TMEM132D: variants seen among roughly 807,000 people sequenced by gnomAD.
The protein encoded by TMEM132D is mature OL transmembrane protein.
In TMEM132D, 21 loss-of-function variants were observed where a neutral mutation model predicts 62.3. The ratio of observed to expected loss-of-function variants is 0.34; its 90% CI spans 0.24 to 0.49. The LOEUF (loss-of-function observed/expected upper bound fraction) is 0.49. Ranked by LOEUF, TMEM132D falls within the 20% of genes least tolerant of loss-of-function variation. The probability of loss-of-function intolerance (pLI) is 0.99; values close to 1 mark genes in which losing one functional copy is unlikely to be tolerated. For synonymous variants in TMEM132D, 621 were observed against 575.6 expected (o/e 1.08, Z -1.13); for missense variants, 1,346 against 1,402.8 (o/e 0.96, Z 0.65).
At chr12:129,299,105 C>A (rs1360674911) in intron 4 of TMEM132D, among the ~76,000 whole-genome samples, 1 of 152,092 alleles carries the variant, frequency 6.6e-6, no homozygotes, top group Non-Finnish European at 1.5e-5. Context: ...TCATCAGAGC[C>A]AAAGTGGTTC....
intron 4 of TMEM132D, among the ~76,000 whole-genome samples, chr12:129,310,882 G>T (rs1384277263): frequency 6.6e-6 from 1 of 152,160 alleles, no homozygotes; most frequent in Non-Finnish European, 1.5e-5. Flanking sequence ...GGAATTTGTA[G>T]TTGTGCTTAT....
chr12:129,656,614 C>A (rs867338468), intron 2 of TMEM132D, among the ~76,000 whole-genome samples: 17 of 152,286 alleles, frequency 1.1e-4, no homozygotes, highest in Middle Eastern at 6.8e-3. Flanking sequence ...CATTTGGATG[C>A]AGAGTATGTG....
intron 3 of TMEM132D, among the ~76,000 whole-genome samples, chr12:129,454,159 G>A (rs943300421): frequency 2.6e-5 from 4 of 152,130 alleles, no homozygotes; most frequent in African/African-American, 4.8e-5. Context: ...GTTTCCTACC[G>A]AGTGCTAAGC....
At chr12:129,258,696 C>T (rs937620517) in intron 4 of TMEM132D, among the ~76,000 whole-genome samples, 4 of 152,160 alleles carry the variant, frequency 2.6e-5, no homozygotes, top group African/African-American at 7.2e-5. Flanking sequence ...TTCATTTTCT[C>T]ATGTAATATC....
At chr12:129,745,596 C>T (rs1002439715) in intron 1 of TMEM132D, among the ~76,000 whole-genome samples, 4 of 152,264 alleles carry the variant, frequency 2.6e-5, no homozygotes, top group East Asian at 1.9e-4. Flanking sequence ...GAACTCATAA[C>T]GGTATAACCC....
intron 1 of TMEM132D, among the ~76,000 whole-genome samples, chr12:129,747,219 G>T (rs1555229165): frequency 0.013 from 136 of 10,270 alleles, no homozygotes; most frequent in South Asian, 0.034. Flanking sequence ...CCTCCTTCCA[G>T]CCACCCTGTC....
chr12:129,724,167 C>T (rs1193499017), intron 1 of TMEM132D, among the ~76,000 whole-genome samples: 2 of 152,180 alleles, frequency 1.3e-5, no homozygotes, highest in Non-Finnish European at 2.9e-5. Flanking sequence ...GCCTGGGTCC[C>T]TGAATGTTTC....
intron 3 of TMEM132D, among the ~76,000 whole-genome samples, chr12:129,432,179 A>T (rs547854185): frequency 5.0e-4 from 76 of 150,842 alleles, no homozygotes; most frequent in Middle Eastern, 6.8e-3. Context: ...GGATGGATGG[A>T]TGGATGGATG....
intron 1 of TMEM132D, among the ~76,000 whole-genome samples, chr12:129,820,387 T>A (rs2137324493): frequency 6.6e-6 from 1 of 152,234 alleles, no homozygotes; most frequent in Non-Finnish European, 1.5e-5. Flanking sequence ...AGAATCTACG[T>A]GGTTATTCGA....
At chr12:129,469,508 G>T (rs1028765995) in intron 3 of TMEM132D, among the ~76,000 whole-genome samples, 1 of 152,168 alleles carries the variant, frequency 6.6e-6, no homozygotes, top group Non-Finnish European at 1.5e-5. Flanking sequence ...TCTCCTATAG[G>T]GTAACTGAGA....
chr12:129,446,948 C>A (rs140335125), intron 3 of TMEM132D, among the ~76,000 whole-genome samples: 10 of 152,302 alleles, frequency 6.6e-5, no homozygotes, highest in African/African-American at 9.6e-5. Context: ...AAGCACACAG[C>A]AAAGTCCCCA....
intron 1 of TMEM132D, among the ~76,000 whole-genome samples, chr12:129,721,191 A>G (rs1868814392): frequency 6.6e-6 from 1 of 152,170 alleles, no homozygotes; most frequent in African/African-American, 2.4e-5. Flanking sequence ...GTGTGTTTTC[A>G]TCCTACTTGT....
intron 1 of TMEM132D, among the ~76,000 whole-genome samples, chr12:129,822,411 A>C (rs1872561803): frequency 6.6e-6 from 1 of 152,196 alleles, no homozygotes. Context: ...AGTCAGGGCA[A>C]GCCAGGCTCA....
intron 3 of TMEM132D, among the ~76,000 whole-genome samples, chr12:129,502,690 G>GA (rs1160513691): frequency 6.6e-6 from 1 of 152,096 alleles, no homozygotes; most frequent in Non-Finnish European, 1.5e-5. Context: ...GCTCCAGGTA[G>GA]AAAAAAGAAA....
chr12:129,621,495 T>C (rs538364259), intron 2 of TMEM132D, among the ~76,000 whole-genome samples: 1 of 133,992 alleles, frequency 7.5e-6, no homozygotes, highest in African/African-American at 3.0e-5. Context: ...CACTGCCATA[T>C]CCCCACTGGC....
At chr12:129,147,050 T>A (rs75588770) in intron 5 of TMEM132D, among the ~76,000 whole-genome samples, 2,271 of 151,682 alleles carry the variant, frequency 0.015, 51 homozygotes, top group African/African-American at 0.052. Flanking sequence ...TACTGAAGAG[T>A]AGCAAGAATA....
At chr12:129,125,989 G>T (rs1876201828) in intron 5 of TMEM132D, among the ~76,000 whole-genome samples, 1 of 152,128 alleles carries the variant, frequency 6.6e-6, no homozygotes, top group Non-Finnish European at 1.5e-5. Flanking sequence ...ACATGGTCAG[G>T]CTGGAGAACA....
intron 2 of TMEM132D, among the ~76,000 whole-genome samples, chr12:129,563,721 A>T (rs894402184): frequency 3.9e-5 from 6 of 152,178 alleles, no homozygotes; most frequent in African/African-American, 1.4e-4. Context: ...TGGGGAAGAC[A>T]AGAGGGAGGG....
At chr12:129,737,799 A>G (rs1344587929) in intron 1 of TMEM132D, among the ~76,000 whole-genome samples, 1 of 152,212 alleles carries the variant, frequency 6.6e-6, no homozygotes, top group African/African-American at 2.4e-5. Context: ...TCTAAAGTTA[A>G]CATTCAAAAT....
Sources: gnomAD v4.1 joint callset for allele counts (sites outside exome capture counted in the v4.1 genomes callset) on GRCh38, gnomAD v4.1.1 for gene constraint, MANE v1.5 for transcripts, NCBI Gene and HGNC (gene_info 2026-07-23, HGNC 2026-07-21) for gene names.